Variants in THADA observed in about 807,000 individuals in gnomAD.
THADA encodes the protein THADA armadillo repeat containing.
In THADA, 213 loss-of-function variants were observed where a neutral mutation model predicts 219.8. The ratio of observed to expected loss-of-function variants is 0.97; its 90% CI spans 0.87 to 1.09. The LOEUF (loss-of-function observed/expected upper bound fraction) is 1.09, where lower values mean the gene tolerates loss of function less well. Among genes scored for constraint, THADA ranks in the 50% least tolerant of loss-of-function variants. The pLI is 0.00. For missense variants in THADA, 2,956 were observed against 2,311.3 expected, an observed-to-expected ratio of 1.28 and a Z score of -5.72; for synonymous variants, 1,018 against 828.9, an observed-to-expected ratio of 1.23 and a Z score of -3.92.
chr2:43,297,596 T>TG (rs1218699490), intron 31 of THADA, among the ~76,000 whole-genome samples: 7 of 70,110 alleles, frequency 1.0e-4, no homozygotes, highest in Admixed American at 2.6e-4. Flanking sequence ...GGGAGGGAGG[T>TG]GGGGGGGTCA....
At chr2:43,410,047 G>A (rs1440325016) in intron 28 of THADA, among the ~76,000 whole-genome samples, 2 of 151,096 alleles carry the variant, frequency 1.3e-5, no homozygotes, top group East Asian at 3.9e-4. Flanking sequence ...AGAGAGAGAA[G>A]AAAAGAAAGC....
chr2:43,338,222 T>C (rs1666696219), intron 30 of THADA, among the ~76,000 whole-genome samples: 1 of 149,910 alleles, frequency 6.7e-6, no homozygotes, highest in African/African-American at 2.5e-5. Context: ...AGTGGCACGA[T>C]CTCGGCTCAC....
At chr2:43,523,447 C>T (rs2103700625) in intron 22 of THADA, among the ~76,000 whole-genome samples, 1 of 152,264 alleles carries the variant, frequency 6.6e-6, no homozygotes, top group East Asian at 1.9e-4. Context: ...TTCCCCAAAT[C>T]TTATATATTA....
intron 36 of THADA, among the ~76,000 whole-genome samples, chr2:43,278,723 G>C (rs746167749): frequency 6.6e-6 from 1 of 152,170 alleles, no homozygotes; most frequent in Non-Finnish European, 1.5e-5. Flanking sequence ...TTTTGACTGA[G>C]GATTCAGATC....
chr2:43,443,807 C>A lies in THADA; in HGVS notation c.3837-13505G>T, dbSNP rs115890579. ...ACCAGGTAAGGATATGCAGGCACAA[C>A]TGATGAGAGGCCCTTGGGGAAACAC... is the stretch of plus-strand genomic sequence containing the variant. On this transcript the variant is annotated intron_variant, in intron 26 of 37. Coordinates refer to ENST00000405975, the MANE Select transcript of THADA (RefSeq NM_022065.5). Among the ~76,000 whole-genome samples, 509 of 152,348 alleles carry A rather than the reference C, an allele frequency of 3.3e-3. 4 individuals are homozygous for A. Among genetic ancestry groups the A allele is most frequent in the African/African-American group, 0.011 (453 of 41,588 alleles).
At position 43,583,582 on chromosome 2, in the gene THADA, A is replaced by C. The variant is rs777614948; in HGVS notation, c.534-1654T>G. Among the ~76,000 whole-genome samples the C allele has an allele frequency of 3.3e-5, 5 of 152,376 alleles. No individual in the cohort carries two copies. In the East Asian group the frequency reaches 9.6e-4, roughly 29 times the overall value. ...TACGTATATACCCAAAAGAGCTAAA[A>C]GCAGAGACTCAAAGATATACTTGTA... On this transcript the variant is annotated intron_variant, in intron 7 of 37. Coordinates refer to ENST00000405975, the MANE Select transcript of THADA (RefSeq NM_022065.5).
intron 26 of THADA, among the ~76,000 whole-genome samples, chr2:43,475,995 T>A (rs1183562861): frequency 6.6e-6 from 1 of 152,204 alleles, no homozygotes; most frequent in Non-Finnish European, 1.5e-5. Context: ...CTCTATCTCA[T>A]CCTTCCTCTT....
intron 29 of THADA, among the ~76,000 whole-genome samples, chr2:43,366,935 A>T (rs1421177972): frequency 6.6e-6 from 1 of 151,246 alleles, no homozygotes; most frequent in Non-Finnish European, 1.5e-5. Context: ...CAAAGGCGGA[A>T]GTAAATCAAA....
chr2:43,336,160 G>A (rs1356697795), intron 30 of THADA, among the ~76,000 whole-genome samples: 7 of 152,104 alleles, frequency 4.6e-5, no homozygotes, highest in Non-Finnish European at 1.5e-5. Flanking sequence ...CTTGGGAGCT[G>A]AGGTGAGAGG....
chr2:43,355,783 T>C (rs1438053434), intron 29 of THADA, among the ~76,000 whole-genome samples: 4 of 152,270 alleles, frequency 2.6e-5, no homozygotes, highest in East Asian at 1.9e-4. Context: ...TTAATTTTAA[T>C]GCAATAAAGG....
intron 22 of THADA, among the ~76,000 whole-genome samples, chr2:43,511,564 T>A (rs918924671): frequency 3.9e-5 from 6 of 152,144 alleles, no homozygotes; most frequent in African/African-American, 9.7e-5. Context: ...CCCTCCTACT[T>A]AAATCTAACC....
In THADA at chr2:43,574,796, C is replaced by A. The variant is rs1699677742; in HGVS notation, c.1269G>T (p.Arg423=). 1 of 1,613,864 alleles carries A rather than the reference C, an allele frequency of 6.2e-7. No homozygotes were observed. Among genetic ancestry groups the A allele is most frequent in the African/African-American group, 1.3e-5 (1 of 74,924 alleles). The stretch of plus-strand genomic sequence containing the variant: ...CGAAATCTGCACCTTCCACAGTGAG[C>A]CGGTGCATTTGGAGAAGGTTTTTGA... The part of the protein sequence containing the change: ...IMFKNLLQMH[R]LTVEGADFVP... Residue 423 remains arginine (R), a synonymous_variant, in exon 11 of 38, where the codon CGG becomes CGT. Transcript: ENST00000405975.
At chr2:43,299,056 G>A (rs1196359321) in intron 31 of THADA, among the ~76,000 whole-genome samples, 1 of 152,086 alleles carries the variant, frequency 6.6e-6, no homozygotes, top group Non-Finnish European at 1.5e-5. Context: ...AGTTTATTCA[G>A]TGTCCCCAAG....
intron 2 of THADA, 118 bp from the exon 3 acceptor site, chr2:43,592,164 C>G (rs1701651819): frequency 2.0e-6 from 2 of 1,006,308 alleles, no homozygotes; most frequent in Admixed American, 6.0e-5. Context: ...GGAACATAGT[C>G]TGAAGACAGA....
At chr2:43,418,528 G>T (rs1477650539) in intron 28 of THADA, among the ~76,000 whole-genome samples, 1 of 152,166 alleles carries the variant, frequency 6.6e-6, no homozygotes, top group Non-Finnish European at 1.5e-5. Flanking sequence ...GGCCCTAAAA[G>T]AAGGCTGTTC....
chr2:43,261,556 G>T (rs1338825315), intron 36 of THADA, among the ~76,000 whole-genome samples: 1 of 151,566 alleles, frequency 6.6e-6, no homozygotes, highest in Admixed American at 6.6e-5. Context: ...TGCCTCCCTG[G>T]TTCAAGCAAT....
At chr2:43,584,328 G>C (rs143308115) in intron 7 of THADA, among the ~76,000 whole-genome samples, 88 of 152,250 alleles carry the variant, frequency 5.8e-4, no homozygotes, top group Middle Eastern at 3.4e-3. Flanking sequence ...ATCTAACTTG[G>C]AGTAATAAAT....
intron 26 of THADA, among the ~76,000 whole-genome samples, chr2:43,451,749 G>C (rs1156466977): frequency 6.6e-6 from 1 of 152,178 alleles, no homozygotes; most frequent in Admixed American, 6.5e-5. Context: ...ACCTTAGTCA[G>C]GAATGTGTAC....
Position 43,344,202 on chromosome 2 carries a change from T to A in THADA, c.4263A>T (p.Lys1421Asn), listed in dbSNP as rs1253887914. The change falls in exon 30 of 38, where the codon AAA (lysine) becomes AAT (asparagine). Residue 1421 changes from lysine (K) to asparagine (N), a missense_variant. Physicochemically the swap from Lys to Asn is moderately conservative, Grantham distance 94. Coordinates refer to ENST00000405975, the MANE Select transcript of THADA (RefSeq NM_022065.5). ...GCTGGAAGTCTGAATTCGTTCCGTG[T>A]TTGGAGTCTGAGTAGGCTTGCAACA... ...FHLLQAYSDS[K>N]HGTNSDFQHE... The A allele has an allele frequency of 1.2e-6, 2 of 1,612,598 alleles. No individual in the cohort carries two copies. Among genetic ancestry groups the A allele is most frequent in the South Asian group, 2.2e-5 (2 of 90,506 alleles).
Sources: gnomAD v4.1 joint callset for allele counts (sites outside exome capture counted in the v4.1 genomes callset) on GRCh38, gnomAD v4.1.1 for gene constraint, MANE v1.5 for transcripts, NCBI Gene and HGNC (gene_info 2026-07-23, HGNC 2026-07-21) for gene names.